Variants in MACROD2 observed in about 807,000 individuals in gnomAD.
The protein encoded by MACROD2 is mono-ADP ribosylhydrolase 2.
Under a neutral mutation model 70.4 loss-of-function variants are expected in MACROD2, and 36 were observed. The observed-to-expected ratio is 0.51, with a 90% CI of 0.39 to 0.68. The LOEUF (loss-of-function observed/expected upper bound fraction) is 0.68, where lower values mean the gene tolerates loss of function less well. Ranked by LOEUF, MACROD2 falls within the 30% of genes least tolerant of loss-of-function variation. The pLI is 0.00. For synonymous variants in MACROD2, 172 were observed against 178.8 expected (o/e 0.96, Z 0.30); for missense variants, 496 against 538.4 (o/e 0.92, Z 0.78).
intron 8 of MACROD2, among the ~76,000 whole-genome samples, chr20:15,618,095 C>T (rs1343027803): frequency 2.0e-3 from 139 of 70,832 alleles, no homozygotes; most frequent in African/African-American, 2.3e-3. Context: ...CATCATTAGT[C>T]TTTTTTTTTT....
chr20:14,142,405 C>A (rs115441520), intron 3 of MACROD2, among the ~76,000 whole-genome samples: 3 of 152,292 alleles, frequency 2.0e-5, no homozygotes, highest in Admixed American at 6.5e-5. Context: ...TGGCGCTTTA[C>A]CATCACCTGG....
chr20:14,999,481 C>CA (rs911102147), intron 5 of MACROD2, among the ~76,000 whole-genome samples: 2 of 152,018 alleles, frequency 1.3e-5, no homozygotes, highest in East Asian at 1.9e-4. Flanking sequence ...TCTGTGTCTA[C>CA]AAAAAAATAA....
chr20:14,024,025 T>C (rs374752452), intron 2 of MACROD2, among the ~76,000 whole-genome samples: 2 of 152,192 alleles, frequency 1.3e-5, no homozygotes, highest in African/African-American at 4.8e-5. Context: ...ATTCTTCCTA[T>C]CCATGAGCGT....
chr20:14,577,514 C>T (rs975587930), intron 4 of MACROD2, among the ~76,000 whole-genome samples: 6 of 152,124 alleles, frequency 3.9e-5, no homozygotes, highest in Non-Finnish European at 7.3e-5. Flanking sequence ...TGTGGTGGCT[C>T]ACGCCTGTGA....
chr20:14,935,296 G>T (rs2074331588), intron 5 of MACROD2: 1 of 151,982 alleles, frequency 6.6e-6, no homozygotes, highest in African/African-American at 2.4e-5. Context: ...GCCTGTTAAG[G>T]TCTTCTTGAA....
At chr20:15,312,930 A>G (rs945234034) in intron 6 of MACROD2, among the ~76,000 whole-genome samples, 4 of 152,254 alleles carry the variant, frequency 2.6e-5, no homozygotes, top group Non-Finnish European at 4.4e-5. Flanking sequence ...CAAGATATTA[A>G]TTTACTGATT....
chr20:14,774,358 C>T (rs1415498210), intron 5 of MACROD2, among the ~76,000 whole-genome samples: 1 of 151,986 alleles, frequency 6.6e-6, no homozygotes. Flanking sequence ...TGTCAGAGCT[C>T]AGGATATCTG....
At position 14,707,277 on chromosome 20, in the gene MACROD2, C is replaced by T. The variant is rs999990333; in HGVS notation, c.418+22318C>T. On this transcript the variant is annotated intron_variant, in intron 5 of 17. Coordinates refer to ENST00000684519, the MANE Select transcript of MACROD2 (RefSeq NM_001351661.2). ...ACACAGAGCCAGTCTTCCATGGAGGCGACCCATAGCAGCGGGATCCAGCAA... is the reference window on the plus strand; with the variant it reads ...ACACAGAGCCAGTCTTCCATGGAGGTGACCCATAGCAGCGGGATCCAGCAA... Among the ~76,000 whole-genome samples the T allele has an allele frequency of 3.9e-5, 6 of 152,084 alleles. No individual in the cohort carries two copies. In the East Asian group the frequency reaches 5.8e-4, roughly 15 times the overall value.
intron 3 of MACROD2, chr20:14,127,458 G>T: frequency 2.0e-6 from 1 of 493,610 alleles, no homozygotes; most frequent in Admixed American, 3.1e-5. Context: ...GTTCTGAAGA[G>T]GCTGGAGCAG....
chr20:15,988,432 T>G (rs775095), intron 15 of MACROD2, among the ~76,000 whole-genome samples: 61,112 of 151,940 alleles, frequency 0.4, 12,612 homozygotes, highest in South Asian at 0.58. Context: ...CTCTGTTTAT[T>G]GCATTTCAAG....
At chr20:15,456,968 A>G (rs1465838179) in intron 7 of MACROD2, among the ~76,000 whole-genome samples, 1 of 151,112 alleles carries the variant, frequency 6.6e-6, no homozygotes, top group Admixed American at 6.6e-5. Context: ...ACCTCACTTC[A>G]TTTTGTGTGA....
chr20:14,956,490 A>T (rs1378088734), intron 5 of MACROD2, among the ~76,000 whole-genome samples: 1 of 152,146 alleles, frequency 6.6e-6, no homozygotes, highest in East Asian at 1.9e-4. Flanking sequence ...GTCAGTTGTC[A>T]GAGTAAATTA....
chr20:14,847,173 A>C (rs1042175895), intron 5 of MACROD2, among the ~76,000 whole-genome samples: 1 of 152,182 alleles, frequency 6.6e-6, no homozygotes, highest in Non-Finnish European at 1.5e-5. Context: ...AATTTTTAAA[A>C]GTTAATTCTC....
At chr20:14,255,718 TAAATAAAA>T (rs71190123) in intron 3 of MACROD2, among the ~76,000 whole-genome samples, 44,885 of 138,044 alleles carry the variant, frequency 0.33, 8,393 homozygotes, top group Non-Finnish European at 0.45. Context: ...AATAAATAAA[TAAATAAAA>T]AAGAAAATGT....
intron 5 of MACROD2, among the ~76,000 whole-genome samples, chr20:15,224,981 T>G (rs939166581): frequency 1.7e-4 from 25 of 144,796 alleles, no homozygotes; most frequent in African/African-American, 5.8e-4. Flanking sequence ...AAAAAAAAAG[T>G]ATGCTCCTAT....
chr20:16,032,708 G>C (rs934545087), intron 15 of MACROD2, among the ~76,000 whole-genome samples: 1 of 140,242 alleles, frequency 7.1e-6, no homozygotes, highest in African/African-American at 2.7e-5. Flanking sequence ...TTAGGATACA[G>C]GAAGAAAGGT....
chr20:14,440,090 A>G (rs1373897456), intron 3 of MACROD2, among the ~76,000 whole-genome samples: 3 of 152,206 alleles, frequency 2.0e-5, no homozygotes, highest in African/African-American at 4.8e-5. Flanking sequence ...AATATTGAAG[A>G]TAGTACAGAG....
At chr20:14,498,864 C>T (rs2084885891) in intron 4 of MACROD2, among the ~76,000 whole-genome samples, 1 of 152,238 alleles carries the variant, frequency 6.6e-6, no homozygotes, top group Admixed American at 6.5e-5. Context: ...TATATCACTC[C>T]AGCGCTCAAC....
At chr20:14,342,695 T>C (rs76288577) in intron 3 of MACROD2, among the ~76,000 whole-genome samples, 2,817 of 152,288 alleles carry the variant, frequency 0.018, 83 homozygotes, top group African/African-American at 0.063. Flanking sequence ...AAATGCTACG[T>C]TAAACTGTTC....
Sources: gnomAD v4.1 joint callset for allele counts (sites outside exome capture counted in the v4.1 genomes callset) on GRCh38, gnomAD v4.1.1 for gene constraint, MANE v1.5 for transcripts, NCBI Gene and HGNC (gene_info 2026-07-23, HGNC 2026-07-21) for gene names.